The following CDK13 variants were observed in gnomAD, a reference collection of about 807,000 sequenced individuals.
The protein encoded by CDK13 is cyclin-dependent kinase 13.
CDK13 carries 40 observed loss-of-function variants against 137.6 expected under a neutral mutation model. That is an observed-to-expected ratio of 0.29 (90% CI 0.23 to 0.38). The LOEUF (loss-of-function observed/expected upper bound fraction) is 0.38. Among genes scored for constraint, CDK13 ranks in the 10% least tolerant of loss-of-function variants. The probability of loss-of-function intolerance (pLI) is 1.00; values close to 1 mark genes in which losing one functional copy is unlikely to be tolerated. For synonymous variants in CDK13, 869 were observed against 760.1 expected (o/e 1.14, Z -2.36); for missense variants, 1,704 against 1,951.8 (o/e 0.87, Z 2.39).
chr7:40,063,176 T>C (rs1786193348), intron 9 of CDK13, 76 bp downstream of exon 9: 2 of 1,154,452 alleles, frequency 1.7e-6, no homozygotes. Context: ...TCTCCCAAGT[T>C]TGTCTTTTCA....
intron 9 of CDK13, among the ~76,000 whole-genome samples, chr7:40,073,938 T>G (rs1226031650): frequency 6.9e-6 from 1 of 145,404 alleles, no homozygotes; most frequent in African/African-American, 2.5e-5. Flanking sequence ...TCTTGCTGTC[T>G]GTCATCCAGG....
intron 1 of CDK13, among the ~76,000 whole-genome samples, chr7:39,962,458 C>T (rs1783768832): frequency 6.6e-6 from 1 of 152,138 alleles, no homozygotes; most frequent in South Asian, 2.1e-4. Context: ...CTGTTCATAT[C>T]CTTCGCCCAC....
chr7:40,069,117 T>A (rs1786352477), intron 9 of CDK13, among the ~76,000 whole-genome samples: 1 of 152,074 alleles, frequency 6.6e-6, no homozygotes, highest in Admixed American at 6.6e-5. Context: ...ACCTATAGCC[T>A]GAGCTATTGG....
intron 9 of CDK13, among the ~76,000 whole-genome samples, chr7:40,074,305 T>G (rs547748847): frequency 1.6e-4 from 25 of 152,022 alleles, no homozygotes; most frequent in Non-Finnish European, 3.5e-4. Context: ...GGCGGATCAC[T>G]AGGTCAGGAG....
intron 1 of CDK13, chr7:39,985,860 C>G (rs1362391920): frequency 1.7e-4 from 26 of 152,126 alleles, no homozygotes; most frequent in Admixed American, 1.6e-3. Context: ...TTATTGGAGT[C>G]TCTTGAGAGC....
chr7:40,036,650 C>T (rs1039389148), intron 5 of CDK13, among the ~76,000 whole-genome samples: 6 of 151,682 alleles, frequency 4.0e-5, no homozygotes, highest in African/African-American at 1.5e-4. Context: ...GTGTCCCCAT[C>T]TTTCACTTTT....
intron 9 of CDK13, among the ~76,000 whole-genome samples, chr7:40,063,641 T>C (rs371176746): frequency 2.6e-5 from 4 of 152,142 alleles, no homozygotes; most frequent in Middle Eastern, 3.4e-3. Context: ...GCTTTTCTCT[T>C]TATCTTTTAT....
chr7:39,964,587 A>C (rs78743888), intron 1 of CDK13, among the ~76,000 whole-genome samples: 9 of 142,078 alleles, frequency 6.3e-5, no homozygotes, highest in Non-Finnish European at 1.4e-4. Flanking sequence ...GGATTCATTG[A>C]TTTTTTTTTT....
chr7:40,039,331 C>T (rs1005212898), intron 5 of CDK13, among the ~76,000 whole-genome samples: 4 of 151,470 alleles, frequency 2.6e-5, no homozygotes, highest in Non-Finnish European at 5.9e-5. Flanking sequence ...TGCAGTGGCA[C>T]GATTGTGACT....
In CDK13 at chr7:39,976,323, T is replaced by TCTCTCTCTCACACACACACA; in HGVS notation, c.1212-11275_1212-11274insTCTCTCTCACACACACACAC. ...CTCTCTCTCTCTCTCTCTCTCTCTC[T>TCTCTCTCTCACACACACACA]CACACACACACACACACACACACAC... On this transcript the variant is annotated intron_variant, in intron 1 of 13. Coordinates refer to ENST00000181839, the MANE Select transcript of CDK13 (RefSeq NM_003718.5). Among the ~76,000 whole-genome samples the TCTCTCTCTCACACACACACA allele has an allele frequency of 5.6e-3, 220 of 39,546 alleles. 4 individuals carry two copies. The highest frequency in any genetic ancestry group is 0.017 in the Middle Eastern group (1 of 60). The allele number at this position is 39,546 out of a possible 152,430, so 25.9% of individuals were successfully genotyped here. A position where few individuals can be genotyped will look rare whatever the true frequency, so the allele number is the denominator to read the frequency against.
At chr7:40,055,139 A>G (rs944095060) in intron 7 of CDK13, among the ~76,000 whole-genome samples, 43 of 148,722 alleles carry the variant, frequency 2.9e-4, no homozygotes, top group African/African-American at 1.1e-3. Context: ...TTGTTTTCCA[A>G]TTTAATGGCA....
intron 7 of CDK13, chr7:40,048,716 T>C (rs1562748690): frequency 6.6e-6 from 1 of 151,524 alleles, no homozygotes; most frequent in Non-Finnish European, 1.5e-5. Flanking sequence ...ATTTAATCTT[T>C]GCTTTTTTTG....
At chr7:40,055,548 G>T (rs1392825339) in intron 7 of CDK13, among the ~76,000 whole-genome samples, 1 of 149,434 alleles carries the variant, frequency 6.7e-6, no homozygotes, top group Non-Finnish European at 1.5e-5. Flanking sequence ...GCGCAAGTTT[G>T]AAATTCATTT....
At chr7:40,042,307 C>G (rs1347548387) in intron 5 of CDK13, among the ~76,000 whole-genome samples, 1 of 151,450 alleles carries the variant, frequency 6.6e-6, no homozygotes, top group Non-Finnish European at 1.5e-5. Context: ...TCTCGAACTC[C>G]TGAGCTGAAG....
intron 5 of CDK13, among the ~76,000 whole-genome samples, chr7:40,005,708 A>G (rs1784785087): frequency 1.3e-5 from 2 of 152,110 alleles, no homozygotes; most frequent in Non-Finnish European, 2.9e-5. Flanking sequence ...GCAGATGCTG[A>G]AGAAGATTTT....
At chr7:40,025,865 C>G (rs1173456716) in intron 5 of CDK13, among the ~76,000 whole-genome samples, 1 of 152,170 alleles carries the variant, frequency 6.6e-6, no homozygotes, top group African/African-American at 2.4e-5. Flanking sequence ...GCTTTATTCT[C>G]TCTTAGTTTT....
In CDK13 at chr7:40,022,160, A is replaced by T. The variant is rs73688951; in HGVS notation, c.2353+20129A>T. 6.6e-3 allele frequency among the ~76,000 whole-genome samples: 1,008 copies of T among 152,268 alleles called. 13 individuals are homozygous for T. The highest frequency in any genetic ancestry group is 0.023 in the African/African-American group (954 of 41,556). ...AAGGTTTGAGGACCAGAGTTTTCTTAGGGCCTCTTTTTGGTGTAAACACCT... is the reference window on the plus strand; with the variant it reads ...AAGGTTTGAGGACCAGAGTTTTCTTTGGGCCTCTTTTTGGTGTAAACACCT... On this transcript the variant is annotated intron_variant, in intron 5 of 13. Coordinates refer to ENST00000181839, the MANE Select transcript of CDK13 (RefSeq NM_003718.5).
chr7:40,039,496 A>C (rs1584025111), intron 5 of CDK13, among the ~76,000 whole-genome samples: 2 of 127,360 alleles, frequency 1.6e-5, no homozygotes, highest in South Asian at 5.2e-4. Flanking sequence ...CAGTGGCAGG[A>C]TCTCAGCTCA....
chr7:39,951,165 G>T lies in CDK13; in HGVS notation c.524G>T (p.Gly175Val), dbSNP rs1787167625. 3 of 1,243,248 alleles carry T rather than the reference G, an allele frequency of 2.4e-6. No individual in the cohort carries two copies. The South Asian group carries it at 1.1e-4, about 46-fold the overall frequency. The allele number at this position is 1,243,248 out of a possible 1,614,324, so 77.0% of individuals were successfully genotyped here. The change falls in exon 1 of 14, where the codon GGG becomes GTG. Residue 175 changes from glycine (G) to valine (V), a missense_variant. Gly to Val is a moderately radical substitution (Grantham distance 109). Transcript: ENST00000181839. ...ATAATAAGGT[G>V]GSGGSPASSS... Reference sequence around the variant, plus strand: ...GCGGCGACGGCTGCCGGGGGAACGGGGGGCAGCGGCGGGAGTCCGGCCTCC... The same window carrying T: ...GCGGCGACGGCTGCCGGGGGAACGGTGGGCAGCGGCGGGAGTCCGGCCTCC...
Sources: allele counts gnomAD v4.1 joint callset (sites outside exome capture counted in the v4.1 genomes callset), GRCh38; gene constraint gnomAD v4.1.1; transcripts MANE v1.5; gene names NCBI Gene and HGNC (gene_info 2026-07-23, HGNC 2026-07-21).